The following TXLNB variants were observed in gnomAD, a reference collection of about 807,000 sequenced individuals.
The protein encoded by TXLNB is beta-taxilin.
In TXLNB, 37 loss-of-function variants were observed where a neutral mutation model predicts 57.4. The ratio of observed to expected loss-of-function variants is 0.64; its 90% CI spans 0.50 to 0.85. TXLNB has a LOEUF of 0.85. Among genes scored for constraint, TXLNB ranks in the 40% least tolerant of loss-of-function variants. The pLI is 0.00. For missense variants in TXLNB, 848 were observed against 825.6 expected, an observed-to-expected ratio of 1.03 and a Z score of -0.33; for synonymous variants, 302 against 309.6, an observed-to-expected ratio of 0.98 and a Z score of 0.26.
chr6:139,250,028 C>A (rs1298354002), intron 7 of TXLNB, among the ~76,000 whole-genome samples: 1 of 149,696 alleles, frequency 6.7e-6, no homozygotes, highest in Non-Finnish European at 1.5e-5. Flanking sequence ...TTTTTTCTTT[C>A]TTTTAAGAGA....
At chr6:139,292,536 T>C (rs1171979745), upstream of TXLNB, among the ~76,000 whole-genome samples, 3 of 152,204 alleles carry the variant, frequency 2.0e-5, no homozygotes, top group Non-Finnish European at 4.4e-5. The surrounding 1 kb of genome is among the most constrained non-coding windows in gnomAD (Gnocchi z 4.0). Context: ...AATTCTGATG[T>C]CATTGTTTGG....
At chr6:139,297,142 T>C in the TXLNB span, among the ~76,000 whole-genome samples, 1 of 152,160 alleles carries the variant, frequency 6.6e-6, no homozygotes, top group African/African-American at 2.4e-5. Flanking sequence ...GTTCTAGTCC[T>C]CATCCGTTGT....
At chr6:139,207,703 G>T in the TXLNB span, among the ~76,000 whole-genome samples, 1 of 152,132 alleles carries the variant, frequency 6.6e-6, no homozygotes, top group Admixed American at 6.6e-5. Flanking sequence ...TTGGTTCTTT[G>T]AAAAGAGCAA....
intron 2 of TXLNB, among the ~76,000 whole-genome samples, chr6:139,281,018 A>C (rs1777034042): frequency 6.6e-6 from 1 of 151,720 alleles, no homozygotes; most frequent in African/African-American, 2.4e-5. Flanking sequence ...TCCAGAACCA[A>C]CTCTGCCATC....
At chr6:139,170,572 C>A in the TXLNB span, 1 of 151,984 alleles carries the variant, frequency 6.6e-6, no homozygotes, top group East Asian at 1.9e-4. Context: ...TGCCTGCAAG[C>A]AAAGGAAGGG....
chr6:139,193,864 C>T, the TXLNB span, among the ~76,000 whole-genome samples: 47 of 99,242 alleles, frequency 4.7e-4, no homozygotes, highest in South Asian at 0.013. Flanking sequence ...TTTTTTGAGA[C>T]GGAGTCTCGC....
the TXLNB span, among the ~76,000 whole-genome samples, chr6:139,192,641 C>T: frequency 6.6e-6 from 1 of 152,168 alleles, no homozygotes; most frequent in East Asian, 1.9e-4. Context: ...CACTTGATCA[C>T]TCCACTAAAA....
the TXLNB span, among the ~76,000 whole-genome samples, chr6:139,306,181 G>C: frequency 6.6e-6 from 1 of 152,146 alleles, no homozygotes; most frequent in East Asian, 1.9e-4. Flanking sequence ...GGTCCTTAAG[G>C]TTGTAAGGTG....
the TXLNB span, among the ~76,000 whole-genome samples, chr6:139,221,143 C>T: frequency 6.6e-6 from 1 of 152,200 alleles, no homozygotes; most frequent in South Asian, 2.1e-4. Context: ...CCCTTGAACG[C>T]TCTTGCAAAT....
At chr6:139,305,682 G>T in the TXLNB span, among the ~76,000 whole-genome samples, 9 of 152,302 alleles carry the variant, frequency 5.9e-5, no homozygotes, top group East Asian at 1.2e-3. Flanking sequence ...GAAGATAGAA[G>T]AATTAGGTAC....
chr6:139,256,063 T>C (rs546428222), intron 6 of TXLNB, among the ~76,000 whole-genome samples: 114 of 152,176 alleles, frequency 7.5e-4, no homozygotes, highest in African/African-American at 2.6e-3. Flanking sequence ...GCCTGGGCAA[T>C]AGAGTGAGAC....
At chr6:139,276,263 A>C (rs930795562) in intron 3 of TXLNB, among the ~76,000 whole-genome samples, 24 of 152,248 alleles carry the variant, frequency 1.6e-4, no homozygotes, top group Non-Finnish European at 1.5e-5. Flanking sequence ...AAACTATGTC[A>C]ATATACCTAA....
chr6:139,246,359 T>C (rs1348723693), intron 8 of TXLNB, among the ~76,000 whole-genome samples: 1 of 152,202 alleles, frequency 6.6e-6, no homozygotes, highest in East Asian at 1.9e-4. Flanking sequence ...AAATTTGTCA[T>C]AATATTTTAA....
the TXLNB span, among the ~76,000 whole-genome samples, chr6:139,204,907 A>T: frequency 3.9e-5 from 6 of 152,236 alleles, no homozygotes; most frequent in East Asian, 7.7e-4. Flanking sequence ...ATGGAACATT[A>T]TCCCGATGGC....
At chr6:139,188,418 C>A in the TXLNB span, among the ~76,000 whole-genome samples, 1 of 152,156 alleles carries the variant, frequency 6.6e-6, no homozygotes, top group African/African-American at 2.4e-5. Flanking sequence ...TGCTCAAAAA[C>A]CTATTTCTTC....
the TXLNB span, among the ~76,000 whole-genome samples, chr6:139,207,238 A>G: frequency 6.6e-6 from 1 of 152,332 alleles, no homozygotes; most frequent in South Asian, 2.1e-4. Flanking sequence ...AGGCCACAAA[A>G]CAAGTCTTAA....
Position 139,255,571 on chromosome 6 carries a change from T to G in TXLNB, c.1070A>C (p.Gln357Pro). Reference protein sequence around the residue: ...KVLKEQETVLQAQLTLYSGRF... With the variant: ...KVLKEQETVLPAQLTLYSGRF... ...TCGTCCACCTGGCCTCACCTGAGCCTGCAGGACTGTCTCTTGCTCCTTCAG... is the reference window on the plus strand; with the variant it reads ...TCGTCCACCTGGCCTCACCTGAGCCGGCAGGACTGTCTCTTGCTCCTTCAG... The change falls in exon 7 of 10, where the codon CAG becomes CCG. Residue 357 changes from glutamine (Q) to proline (P), a missense_variant. By Grantham distance (76) the Gln-to-Pro change is moderately conservative. Coordinates refer to ENST00000358430, the MANE Select transcript of TXLNB (RefSeq NM_153235.4). The G allele has an allele frequency of 6.2e-7, 1 of 1,613,804 alleles. No individual in the cohort carries two copies. Among genetic ancestry groups the G allele is most frequent in the Non-Finnish European group, 8.5e-7 (1 of 1,179,790 alleles).
the TXLNB span, among the ~76,000 whole-genome samples, chr6:139,160,708 C>T: frequency 2.0e-5 from 3 of 152,210 alleles, no homozygotes; most frequent in African/African-American, 7.2e-5. Flanking sequence ...GCCACTGTGC[C>T]TGGCCATACT....
the TXLNB span, among the ~76,000 whole-genome samples, chr6:139,302,299 G>T: frequency 2.0e-5 from 3 of 147,778 alleles, no homozygotes; most frequent in African/African-American, 7.6e-5. Flanking sequence ...TTGGGTCTGG[G>T]TAAAGGTCTG....
Sources: gnomAD v4.1 joint callset for allele counts (sites outside exome capture counted in the v4.1 genomes callset) on GRCh38, gnomAD v4.1.1 for gene constraint, Gnocchi (gnomAD v3.1) non-coding constraint, MANE v1.5 for transcripts, NCBI Gene and HGNC (gene_info 2026-07-23, HGNC 2026-07-21) for gene names.